Variants in PPIL2 observed in about 807,000 individuals in gnomAD.
PPIL2 encodes RING-type E3 ubiquitin-protein ligase PPIL2.
PPIL2 carries 50 observed loss-of-function variants against 75.2 expected under a neutral mutation model. That is an observed-to-expected ratio of 0.66 (90% CI 0.53 to 0.84). The LOEUF (loss-of-function observed/expected upper bound fraction) is 0.84, where lower values mean the gene tolerates loss of function less well. PPIL2 is among the 40% of genes least tolerant of loss of function. The pLI is 0.00. For synonymous variants in PPIL2, 245 were observed against 258.8 expected (o/e 0.95, Z 0.51); for missense variants, 590 against 685.0 (o/e 0.86, Z 1.55).
intron 15 of PPIL2, among the ~76,000 whole-genome samples, chr22:21,690,932 G>T (rs1279293394): frequency 6.7e-6 from 1 of 148,270 alleles, no homozygotes; most frequent in Admixed American, 6.7e-5. Flanking sequence ...CTGTGAAACT[G>T]CTGACAGATC....
rs2067879433 is a variant in PPIL2 at position 21,695,389 on chromosome 22, C to T, written c.1467-5C>T. 1 of 1,602,534 alleles carries T rather than the reference C, an allele frequency of 6.2e-7. No individual in the cohort carries two copies. The highest frequency in any genetic ancestry group is 8.5e-7 in the Non-Finnish European group (1 of 1,174,678). ...TGGGCTCCCAGCGGCTTCTTCTCTT[C>T]CCAGGAAGCGAGCAGCAGAGGAAGA... is the stretch of plus-strand genomic sequence containing the variant. On this transcript the variant is annotated splice_polypyrimidine_tract_variant and splice_region_variant and intron_variant, in intron 19 of 19. Coordinates refer to ENST00000398831, the MANE Select transcript of PPIL2 (RefSeq NM_014337.4).
chr22:21,689,518 A>T (rs1015527548), intron 15 of PPIL2, among the ~76,000 whole-genome samples: 9 of 152,066 alleles, frequency 5.9e-5, no homozygotes, highest in African/African-American at 2.2e-4. Flanking sequence ...ATCATTGCTC[A>T]TGTAGAGAAA....
At chr22:21,692,541 T>C (rs189043450) in intron 15 of PPIL2, among the ~76,000 whole-genome samples, 1 of 152,248 alleles carries the variant, frequency 6.6e-6, no homozygotes, top group East Asian at 1.9e-4. Flanking sequence ...CCATTTTTTA[T>C]ATTTATTTTC....
In PPIL2 at chr22:21,696,525, A is replaced by T; in HGVS notation, c.*1035A>T. The T allele has an allele frequency of 5.3e-6, 7 of 1,321,690 alleles. No homozygotes were observed. In the South Asian group the frequency reaches 1.1e-4, roughly 21 times the overall value. The allele number at this position is 1,321,690 out of a possible 1,614,324, so 81.9% of individuals were successfully genotyped here. A position where few individuals can be genotyped will look rare whatever the true frequency, so the allele number is the denominator to read the frequency against. Reference sequence around the variant, plus strand: ...AAGAAAGACCCCTCCCTCAACCCCCATTTTTCTGTTAAATGTGCCCCTGGC... The same window carrying T: ...AAGAAAGACCCCTCCCTCAACCCCCTTTTTTCTGTTAAATGTGCCCCTGGC... On this transcript the variant is annotated 3_prime_UTR_variant, in exon 20 of 20. Transcript: ENST00000398831.
intron 6 of PPIL2, 58 bp from the exon 7 acceptor site, chr22:21,681,241 C>T (rs2148533160): frequency 7.1e-7 from 1 of 1,414,534 alleles, no homozygotes; most frequent in Non-Finnish European, 1.0e-6. Context: ...GCGGTCCTCA[C>T]TGGGATGTTC....
At chr22:21,685,759 T>G (rs1358419249) in intron 10 of PPIL2, 12 of 406,214 alleles carry the variant, frequency 3.0e-5, no homozygotes, top group Non-Finnish European at 5.3e-5. Flanking sequence ...TGTATTTTCT[T>G]CTGATGGGAG....
At chr22:21,689,972 A>T (rs2067550280) in intron 15 of PPIL2, among the ~76,000 whole-genome samples, 1 of 151,356 alleles carries the variant, frequency 6.6e-6, no homozygotes, top group Non-Finnish European at 1.5e-5. Flanking sequence ...CTGCCAGCTC[A>T]CTGTCACACG....
chr22:21,682,382 C>A, intron 7 of PPIL2, 55 bp from the exon 8 acceptor site: 2 of 1,485,648 alleles, frequency 1.3e-6, no homozygotes, highest in South Asian at 1.1e-5. Flanking sequence ...TGCTTGCAGT[C>A]CCCTGTGCCA....
chr22:21,670,258 A>C, intron 2 of PPIL2: 1 of 1,320,928 alleles, frequency 7.6e-7, no homozygotes, highest in Non-Finnish European at 1.0e-6. Flanking sequence ...TTTTTTCTCT[A>C]TCAAGTTTAT....
chr22:21,679,390 A>C (rs1281115481), intron 6 of PPIL2, among the ~76,000 whole-genome samples: 1 of 142,316 alleles, frequency 7.0e-6, no homozygotes, highest in Non-Finnish European at 1.5e-5. Context: ...GCTTGAGCCC[A>C]GGAGTTCAAG....
intron 8 of PPIL2, 67 bp downstream of exon 8, chr22:21,682,593 G>A: frequency 1.7e-6 from 2 of 1,191,820 alleles, no homozygotes; most frequent in South Asian, 1.3e-5. Context: ...GCCTCTACAG[G>A]GCCCTACCCC....
In PPIL2 at chr22:21,693,810, C is replaced by T. The variant is rs367820292; in HGVS notation, c.1140-6C>T. ...CTCTCCCTAACCATCCAGCCCTCCT[C>T]CCCAGCTTCATCACGTTTCGCTCCT... On this transcript the variant is annotated splice_region_variant and splice_polypyrimidine_tract_variant and intron_variant, in intron 15 of 19. Coordinates refer to ENST00000398831, the MANE Select transcript of PPIL2 (RefSeq NM_014337.4). 1.3e-6 allele frequency: 2 copies of T among 1,534,414 alleles called. No individual in the cohort carries two copies. Among genetic ancestry groups the T allele is most frequent in the African/African-American group, 2.7e-5 (2 of 73,014 alleles).
intron 19 of PPIL2, 57 bp downstream of exon 19, chr22:21,695,127 A>G: frequency 6.6e-7 from 1 of 1,510,598 alleles, no homozygotes; most frequent in Non-Finnish European, 8.8e-7. Flanking sequence ...GGGCTGACTG[A>G]GGTCTGAGGG....
intron 1 of PPIL2, among the ~76,000 whole-genome samples, chr22:21,668,242 C>T (rs1203017960): frequency 1.3e-5 from 2 of 152,074 alleles, no homozygotes; most frequent in African/African-American, 2.4e-5. Context: ...AGTTCCTGGC[C>T]ATGATGGGAT....
intron 5 of PPIL2, 73 bp from the exon 6 acceptor site, chr22:21,674,991 G>C: frequency 7.2e-7 from 1 of 1,390,290 alleles, no homozygotes; most frequent in Non-Finnish European, 1.0e-6. Flanking sequence ...TTTCCTGCCT[G>C]TCTCTGACCC....
intron 3 of PPIL2, 83 bp downstream of exon 3, chr22:21,670,694 G>A: frequency 1.4e-6 from 2 of 1,421,538 alleles, no homozygotes; most frequent in South Asian, 2.3e-5. Context: ...GTGGATGTGG[G>A]GTTATGCGTA....
intron 12 of PPIL2, among the ~76,000 whole-genome samples, chr22:21,687,339 C>T (rs1601573942): frequency 6.6e-6 from 1 of 152,106 alleles, no homozygotes; most frequent in East Asian, 1.9e-4. Flanking sequence ...GCAGCTGACT[C>T]TGCTACATGT....
At position 21,695,547 on chromosome 22, in the gene PPIL2, A is replaced by C; in HGVS notation, c.*57A>C. The C allele has an allele frequency of 6.4e-7, 1 of 1,552,660 alleles. No individual in the cohort carries two copies. The highest frequency in any genetic ancestry group is 8.7e-7 in the Non-Finnish European group (1 of 1,148,134). On this transcript the variant is annotated 3_prime_UTR_variant, in exon 20 of 20. Coordinates refer to ENST00000398831, the MANE Select transcript of PPIL2 (RefSeq NM_014337.4). Reference sequence around the variant, plus strand: ...GTTGCAGGGCTGGGGGCCCATGTCCACATCTCCATTTCCAGCCTTTCTAGC... The same window carrying C: ...GTTGCAGGGCTGGGGGCCCATGTCCCCATCTCCATTTCCAGCCTTTCTAGC...
chr22:21,670,238 C>T lies in PPIL2; in HGVS notation c.82+276C>T, dbSNP rs1423420439. ...TAAATGAAATACAAAATTACATGTA[C>T]ATTTAAATGTTTTTTCTCTATCAAG... is the stretch of plus-strand genomic sequence containing the variant. On this transcript the variant is annotated intron_variant, in intron 2 of 19. Transcript: ENST00000398831. 8.6e-6 allele frequency: 10 copies of T among 1,158,732 alleles called. No homozygotes were observed. In the Admixed American group the frequency reaches 2.5e-4, roughly 29 times the overall value. The allele number at this position is 1,158,732 out of a possible 1,614,324, so 71.8% of individuals were successfully genotyped here.
Sources: allele counts gnomAD v4.1 joint callset (sites outside exome capture counted in the v4.1 genomes callset), GRCh38; gene constraint gnomAD v4.1.1; transcripts MANE v1.5; gene names NCBI Gene and HGNC (gene_info 2026-07-23, HGNC 2026-07-21).